The following MCCC1 variants were observed in gnomAD, a reference collection of about 807,000 sequenced individuals.
MCCC1 encodes methylcrotonoyl-CoA carboxylase subunit alpha, mitochondrial.
In MCCC1, 64 loss-of-function variants were observed where a neutral mutation model predicts 83.8. The observed-to-expected ratio is 0.76, with a 90% CI of 0.62 to 0.94. The LOEUF is 0.94. Among genes scored for constraint, MCCC1 ranks in the 40% least tolerant of loss-of-function variants. The probability of loss-of-function intolerance (pLI) is 0.00; values close to 1 mark genes in which losing one functional copy is unlikely to be tolerated. For missense variants in MCCC1, 807 were observed against 904.7 expected, an observed-to-expected ratio of 0.89 and a Z score of 1.39; for synonymous variants, 322 against 315.4, an observed-to-expected ratio of 1.02 and a Z score of -0.22.
rs529106117 is a variant in MCCC1 at position 183,020,318 on chromosome 3, T to A, written c.1870-81A>T. Reference sequence around the variant, plus strand: ...CTAATATACCTGAGGTAATAATTGTTTCCCAGCAATTTGTTAAATATTAGT... The same window carrying A: ...CTAATATACCTGAGGTAATAATTGTATCCCAGCAATTTGTTAAATATTAGT... On this transcript the variant is annotated intron_variant, in intron 16 of 18. Coordinates refer to ENST00000265594, the MANE Select transcript of MCCC1 (RefSeq NM_020166.5). The A allele has an allele frequency of 1.5e-5, 17 of 1,148,518 alleles. 1 individual carries two copies. The South Asian group carries it at 2.2e-4, about 15-fold the overall frequency. The allele number at this position is 1,148,518 out of a possible 1,614,324, so 71.1% of individuals were successfully genotyped here. A position where few individuals can be genotyped will look rare whatever the true frequency, so the allele number is the denominator to read the frequency against.
chr3:183,037,504 T>C (rs780355311), intron 12 of MCCC1, 70 bp from the exon 13 acceptor site: 8 of 1,252,038 alleles, frequency 6.4e-6, no homozygotes, highest in Non-Finnish European at 9.3e-6. Context: ...CCATCTGCTC[T>C]TTTTATCTAA....
chr3:183,069,232 A>G (rs1309935074), intron 7 of MCCC1, among the ~76,000 whole-genome samples: 1 of 152,192 alleles, frequency 6.6e-6, no homozygotes, highest in African/African-American at 2.4e-5. Context: ...CTTTCCAGCT[A>G]TTGGGGGAAT....
At chr3:183,045,631 C>T in intron 9 of MCCC1, 91 bp from the exon 10 acceptor site, 1 of 1,345,814 alleles carries the variant, frequency 7.4e-7, no homozygotes. Context: ...AGTTTTACCG[C>T]TGTCTTCATT....
At chr3:183,088,750 T>C (rs1382491496) in intron 3 of MCCC1, among the ~76,000 whole-genome samples, 1 of 152,212 alleles carries the variant, frequency 6.6e-6, no homozygotes. Flanking sequence ...TCATACTATA[T>C]AATTATCTTC....
intron 9 of MCCC1, among the ~76,000 whole-genome samples, chr3:183,047,348 A>G (rs938358323): frequency 6.6e-6 from 1 of 152,122 alleles, no homozygotes; most frequent in Non-Finnish European, 1.5e-5. Flanking sequence ...ATCATGGGAC[A>G]AGAGAACATG....
chr3:183,093,994 C>T (rs1718553963), intron 2 of MCCC1, among the ~76,000 whole-genome samples: 3 of 151,430 alleles, frequency 2.0e-5, no homozygotes, highest in African/African-American at 7.3e-5. Flanking sequence ...AAAGAACAAA[C>T]GAATATAAAA....
intron 1 of MCCC1, among the ~76,000 whole-genome samples, chr3:183,113,427 AG>A (rs1441455142): frequency 1.5e-5 from 1 of 67,286 alleles, no homozygotes; most frequent in African/African-American, 5.9e-5. Flanking sequence ...GGGTGGGGGG[AG>A]GGGGGACGGA....
chr3:183,041,952 T>C lies in MCCC1; in HGVS notation c.1084-202A>G, dbSNP rs531689053. Among the ~76,000 whole-genome samples the C allele has an allele frequency of 4.7e-4, 71 of 152,312 alleles. 1 individual carries two copies. Among genetic ancestry groups the C allele is most frequent in the African/African-American group, 1.7e-3 (71 of 41,566 alleles). ...AAACAGATGCAGCTTGGCAACAGTC[T>C]ATCATTTGGGGTATCGGAGTTTTTA... On this transcript the variant is annotated intron_variant, in intron 10 of 18. Transcript: ENST00000265594.
chr3:183,042,202 C>T (rs1314583704), intron 10 of MCCC1, among the ~76,000 whole-genome samples: 2 of 152,140 alleles, frequency 1.3e-5, no homozygotes, highest in Non-Finnish European at 2.9e-5. Flanking sequence ...TGTCATCCTA[C>T]GCTGTAATCT....
At chr3:183,074,354 G>T (rs1194954701) in intron 4 of MCCC1, among the ~76,000 whole-genome samples, 1 of 152,148 alleles carries the variant, frequency 6.6e-6, no homozygotes, top group Admixed American at 6.6e-5. Flanking sequence ...CAGCAAAAAG[G>T]GAAGAAACAG....
chr3:183,063,282 C>T (rs1189883191), intron 7 of MCCC1, among the ~76,000 whole-genome samples: 4 of 152,142 alleles, frequency 2.6e-5, no homozygotes, highest in Admixed American at 1.3e-4. Context: ...GCGCCTGGCC[C>T]TATTTACATT....
intron 9 of MCCC1, among the ~76,000 whole-genome samples, chr3:183,049,570 CAAA>C (rs757859179): frequency 1.4e-5 from 1 of 73,202 alleles, no homozygotes. Flanking sequence ...GACTTTGTTT[CAAA>C]AAAAAAAAAA....
intron 6 of MCCC1, 25 bp from the exon 7 acceptor site, chr3:183,071,145 C>A: frequency 6.2e-7 from 1 of 1,614,174 alleles, no homozygotes; most frequent in Non-Finnish European, 8.5e-7. Flanking sequence ...ATGATTATGA[C>A]TACAACATAA....
At chr3:183,086,318 G>A (rs1717886954) in intron 4 of MCCC1, among the ~76,000 whole-genome samples, 2 of 152,136 alleles carry the variant, frequency 1.3e-5, no homozygotes, top group Admixed American at 6.6e-5. Context: ...AATGAGACTG[G>A]GAAGTTGGGG....
chr3:183,053,902 G>GTTTTTTT, intron 8 of MCCC1, among the ~76,000 whole-genome samples: 1 of 145,892 alleles, frequency 6.9e-6, no homozygotes, highest in Non-Finnish European at 1.5e-5. Context: ...TTTTGAGATG[G>GTTTTTTT]AGTCTCACTC....
chr3:183,034,541 T>C (rs984751909), intron 13 of MCCC1, among the ~76,000 whole-genome samples: 1 of 151,616 alleles, frequency 6.6e-6, no homozygotes, highest in Admixed American at 6.6e-5. Flanking sequence ...TTTAAAGGGC[T>C]GGTTTTGTTT....
chr3:183,045,342 A>G, intron 10 of MCCC1, 71 bp downstream of exon 10: 1 of 1,588,642 alleles, frequency 6.3e-7, no homozygotes, highest in Non-Finnish European at 8.6e-7. Flanking sequence ...GGCCTGCCAA[A>G]GTGCTGGGAC....
intron 13 of MCCC1, among the ~76,000 whole-genome samples, chr3:183,034,786 T>C (rs1713425115): frequency 6.6e-6 from 1 of 151,542 alleles, no homozygotes; most frequent in African/African-American, 2.4e-5. Context: ...CCTTTTTTTT[T>C]TTTCTTTTTT....
chr3:183,041,786 G>A (rs372018903), intron 10 of MCCC1, 36 bp from the exon 11 acceptor site: 143 of 1,609,056 alleles, frequency 8.9e-5, no homozygotes, highest in Middle Eastern at 8.4e-4. Context: ...GAAATCTACC[G>A]TATAGCGGCT....
Sources: allele counts gnomAD v4.1 joint callset (sites outside exome capture counted in the v4.1 genomes callset), GRCh38; gene constraint gnomAD v4.1.1; transcripts MANE v1.5; gene names NCBI Gene and HGNC (gene_info 2026-07-23, HGNC 2026-07-21).